The following ANKRD6 variants were observed in gnomAD, a reference collection of about 807,000 sequenced individuals.
ANKRD6 encodes ankyrin repeat domain-containing protein 6.
A neutral mutation model predicts 82.3 loss-of-function variants in ANKRD6; 56 were observed. That is an observed-to-expected ratio of 0.68 (90% CI 0.55 to 0.85). The LOEUF is 0.85. Ranked by LOEUF, ANKRD6 falls within the 40% of genes least tolerant of loss-of-function variation. ANKRD6 has a pLI of 0.00. For missense variants in ANKRD6, 852 were observed against 907.6 expected (o/e 0.94, Z 0.79); for synonymous variants, 347 against 352.1 (o/e 0.99, Z 0.16).
chr6:89,582,234 G>A (rs940104713), intron 2 of ANKRD6, among the ~76,000 whole-genome samples: 2 of 152,116 alleles, frequency 1.3e-5, no homozygotes, highest in Admixed American at 6.5e-5. Context: ...TAGAGATGGT[G>A]GGGGTGGAGT....
intron 1 of ANKRD6, among the ~76,000 whole-genome samples, chr6:89,563,207 A>T (rs1006255862): frequency 5.9e-5 from 9 of 152,354 alleles, no homozygotes; most frequent in African/African-American, 2.2e-4. Flanking sequence ...AACTGATTGC[A>T]TCACAGACAA....
At chr6:89,591,066 C>A (rs1794793742) in intron 2 of ANKRD6, among the ~76,000 whole-genome samples, 2 of 152,118 alleles carry the variant, frequency 1.3e-5, no homozygotes, top group South Asian at 2.1e-4. Context: ...GGGTAGGACT[C>A]AGGGCAAATT....
At chr6:89,571,768 G>A (rs566978411) in intron 2 of ANKRD6, among the ~76,000 whole-genome samples, 23 of 152,134 alleles carry the variant, frequency 1.5e-4, no homozygotes, top group African/African-American at 4.1e-4. Context: ...CTATACTGAC[G>A]CATCATTATC....
chr6:89,437,257 CAT>C (rs2127924801), intron 1 of ANKRD6, among the ~76,000 whole-genome samples: 1 of 152,264 alleles, frequency 6.6e-6, no homozygotes, highest in East Asian at 1.9e-4. Context: ...AGTTCTCTGA[CAT>C]ATCTTTCCCC....
intron 2 of ANKRD6, among the ~76,000 whole-genome samples, chr6:89,595,045 C>A (rs942213205): frequency 6.6e-6 from 1 of 152,182 alleles, no homozygotes; most frequent in Non-Finnish European, 1.5e-5. Context: ...AGCTACTACA[C>A]CCAGCGTAGA....
chr6:89,571,682 C>T (rs1042890442), intron 2 of ANKRD6, among the ~76,000 whole-genome samples: 1 of 152,122 alleles, frequency 6.6e-6, no homozygotes, highest in Non-Finnish European at 1.5e-5. Flanking sequence ...GTATTGCTCC[C>T]GCCCCTAAAC....
In ANKRD6 at chr6:89,603,021, C is replaced by T. The variant is rs1273939482; in HGVS notation, c.220-8C>T. 1.3e-6 allele frequency: 2 copies of T among 1,595,774 alleles called. No individual in the cohort carries two copies. Among genetic ancestry groups the T allele is most frequent in the Non-Finnish European group, 1.7e-6 (2 of 1,171,374 alleles). On this transcript the variant is annotated splice_polypyrimidine_tract_variant and splice_region_variant and intron_variant, in intron 3 of 15. Coordinates refer to ENST00000339746, the MANE Select transcript of ANKRD6 (RefSeq NM_001242809.2). ...GACTGCTGTTCCTGCCTTTGTGTCA[C>T]TTTGCAGGGGGACCAGACCGCCTTG...
At chr6:89,611,274 G>A (rs751224743) in intron 5 of ANKRD6, among the ~76,000 whole-genome samples, 5 of 152,078 alleles carry the variant, frequency 3.3e-5, no homozygotes, top group Non-Finnish European at 5.9e-5. Context: ...TGTGAACTAG[G>A]TGAGGGAGAA....
intron 1 of ANKRD6, among the ~76,000 whole-genome samples, chr6:89,449,483 A>G (rs1173897231): frequency 1.3e-5 from 2 of 152,246 alleles, no homozygotes; most frequent in Non-Finnish European, 2.9e-5. Flanking sequence ...CAAACAAACT[A>G]GAGCCAGGAG....
intron 1 of ANKRD6, among the ~76,000 whole-genome samples, chr6:89,496,672 G>A (rs930572782): frequency 2.6e-5 from 4 of 152,108 alleles, no homozygotes; most frequent in Non-Finnish European, 5.9e-5. Flanking sequence ...ACAGGCACCT[G>A]CCACCACACC....
intron 4 of ANKRD6, among the ~76,000 whole-genome samples, chr6:89,604,767 C>A (rs545425951): frequency 6.6e-6 from 1 of 152,154 alleles, no homozygotes; most frequent in Non-Finnish European, 1.5e-5. Flanking sequence ...CAGTTCCCAG[C>A]AACCACCCCA....
intron 13 of ANKRD6, 50 bp downstream of exon 13, chr6:89,624,741 T>C (rs1420932748): frequency 6.4e-7 from 1 of 1,567,352 alleles, no homozygotes; most frequent in Non-Finnish European, 8.7e-7. Context: ...TGGCAGAACA[T>C]GAACTCAGGA....
intron 7 of ANKRD6, among the ~76,000 whole-genome samples, chr6:89,615,491 C>A (rs1217869629): frequency 6.6e-6 from 1 of 152,148 alleles, no homozygotes; most frequent in African/African-American, 2.4e-5. Flanking sequence ...TTTAAAAAGT[C>A]CCCCTGCCCA....
intron 1 of ANKRD6, among the ~76,000 whole-genome samples, chr6:89,535,874 T>G (rs566740192): frequency 6.6e-6 from 1 of 152,340 alleles, no homozygotes; most frequent in Non-Finnish European, 1.5e-5. Flanking sequence ...TTGTTCACTT[T>G]CCTCATCTGA....
intron 1 of ANKRD6, among the ~76,000 whole-genome samples, chr6:89,493,127 C>G (rs1005408173): frequency 6.6e-6 from 1 of 152,190 alleles, no homozygotes; most frequent in Admixed American, 6.5e-5. Flanking sequence ...CATCAGCTTC[C>G]TTTTGTAACA....
Position 89,492,914 on chromosome 6 carries a change from T to G in ANKRD6, c.-144+59539T>G, listed in dbSNP as rs932577047. On this transcript the variant is annotated intron_variant, in intron 1 of 15. Transcript: ENST00000339746. ...TCTTGTGTCTTTTCAGCTGTCTTCC[T>G]AAGCTGCATGACACATTCTTATATT... Among the ~76,000 whole-genome samples the G allele has an allele frequency of 7.2e-5, 11 of 152,356 alleles. No individual in the cohort carries two copies. In the East Asian group the frequency reaches 2.1e-3, roughly 29 times the overall value.
At chr6:89,599,142 G>A (rs1005657740) in intron 3 of ANKRD6, among the ~76,000 whole-genome samples, 1 of 152,180 alleles carries the variant, frequency 6.6e-6, no homozygotes, top group Non-Finnish European at 1.5e-5. Flanking sequence ...CGTGGCTATG[G>A]AGGAAGGATT....
rs576637390 is a variant in ANKRD6 at position 89,550,291 on chromosome 6, C to T, written c.-143-16543C>T. Among the ~76,000 whole-genome samples the T allele has an allele frequency of 3.7e-3, 561 of 152,016 alleles. 1 individual carries two copies. Among genetic ancestry groups the T allele is most frequent in the Non-Finnish European group, 6.3e-3 (429 of 67,970 alleles). Reference sequence around the variant, plus strand: ...CAGAATGTAAGATTACCTAAAATCTCTTCAACAGAAGAATGGATAAATGAG... The same window carrying T: ...CAGAATGTAAGATTACCTAAAATCTTTTCAACAGAAGAATGGATAAATGAG... On this transcript the variant is annotated intron_variant, in intron 1 of 15. Coordinates refer to ENST00000339746, the MANE Select transcript of ANKRD6 (RefSeq NM_001242809.2).
chr6:89,434,662 A>AACTCCT (rs1770401488), intron 1 of ANKRD6, among the ~76,000 whole-genome samples: 1 of 152,096 alleles, frequency 6.6e-6, no homozygotes, highest in East Asian at 1.9e-4. Flanking sequence ...GCTGGTCTCG[A>AACTCCT]ACTCCTCCTG....
Sources: gnomAD v4.1 joint callset for allele counts (sites outside exome capture counted in the v4.1 genomes callset) on GRCh38, gnomAD v4.1.1 for gene constraint, MANE v1.5 for transcripts, NCBI Gene and HGNC (gene_info 2026-07-23, HGNC 2026-07-21) for gene names.